The following RAPGEF4 variants were observed in gnomAD, a reference collection of about 807,000 sequenced individuals.
RAPGEF4 encodes the protein Rap guanine nucleotide exchange factor 4, also known as RAP guanine-nucleotide-exchange factor (GEF) 4.
Under a neutral mutation model 147.9 loss-of-function variants are expected in RAPGEF4, and 66 were observed. The observed-to-expected ratio is 0.45, with a 90% CI of 0.37 to 0.55. The LOEUF (loss-of-function observed/expected upper bound fraction) is 0.55. Ranked by LOEUF, RAPGEF4 falls within the 20% of genes least tolerant of loss-of-function variation. The pLI, the probability that RAPGEF4 is intolerant of heterozygous loss-of-function variation, is 0.00. For missense variants in RAPGEF4, 1,071 were observed against 1,257.3 expected, an observed-to-expected ratio of 0.85 and a Z score of 2.24; for synonymous variants, 419 against 442.7, an observed-to-expected ratio of 0.95 and a Z score of 0.67.
intron 4 of RAPGEF4, among the ~76,000 whole-genome samples, chr2:172,833,806 AT>A (rs953227600): frequency 3.3e-5 from 5 of 152,164 alleles, no homozygotes; most frequent in East Asian, 1.9e-4. Context: ...TCATTCATTA[AT>A]TTTTTTCCCT....
rs541408486 is a variant in RAPGEF4, at chr2:172,962,345, C to T, written c.698+1117C>T. The stretch of plus-strand genomic sequence containing the variant: ...ACAGGAACCAAATTCATAAGACACA[C>T]TGAAAAACTAGAATACAAATTTCAA... On this transcript the variant is annotated intron_variant, in intron 8 of 30. Transcript: ENST00000397081. Among the ~76,000 whole-genome samples, 8 of 152,210 alleles carry T rather than the reference C, an allele frequency of 5.3e-5. No homozygotes were observed. The South Asian group carries it at 1.7e-3, about 32-fold the overall frequency.
intron 4 of RAPGEF4, among the ~76,000 whole-genome samples, chr2:172,840,110 C>T (rs17756942): frequency 2.0e-5 from 3 of 152,124 alleles, no homozygotes; most frequent in Non-Finnish European, 2.9e-5. Flanking sequence ...GAGCATGTGA[C>T]GAATTATGGT....
chr2:173,047,955 C>A (rs184468202), intron 29 of RAPGEF4, among the ~76,000 whole-genome samples: 341 of 152,304 alleles, frequency 2.2e-3, no homozygotes, highest in Non-Finnish European at 3.7e-3. Context: ...GGATTACAGG[C>A]GTGAGCCACT....
chr2:172,983,520 C>T lies in RAPGEF4; in HGVS notation c.1029C>T (p.Asp343=), dbSNP rs747813873. The change falls in exon 11 of 31, where the codon GAC becomes GAT. Residue 343 remains aspartate (D), a synonymous_variant. Coordinates refer to ENST00000397081, the MANE Select transcript of RAPGEF4 (RefSeq NM_007023.4). The part of the protein sequence containing the change: ...RKPPGQRTVD[D]LEIIYEELLH... ...GACCTGGCCAGAGGACTGTGGATGA[C>T]CTAGAGATTATCTATGAGGAGCTTC... 8 of 1,612,524 alleles carry T rather than the reference C, an allele frequency of 5.0e-6. No individual in the cohort carries two copies. Among genetic ancestry groups the T allele is most frequent in the Non-Finnish European group, 6.8e-6 (8 of 1,179,808 alleles).
At chr2:172,831,517 C>T (rs1367601427) in intron 4 of RAPGEF4, among the ~76,000 whole-genome samples, 1 of 151,820 alleles carries the variant, frequency 6.6e-6, no homozygotes, top group African/African-American at 2.4e-5. Flanking sequence ...GATCCACCCA[C>T]CTCAGCTGCC....
chr2:172,826,542 T>C (rs1212472500), intron 4 of RAPGEF4, among the ~76,000 whole-genome samples: 1 of 152,200 alleles, frequency 6.6e-6, no homozygotes, highest in Non-Finnish European at 1.5e-5. Flanking sequence ...CAATTCCTAT[T>C]AAAAGCACAT....
At chr2:172,986,728 C>G (rs1470408985) in intron 12 of RAPGEF4, among the ~76,000 whole-genome samples, 1 of 147,752 alleles carries the variant, frequency 6.8e-6, no homozygotes, top group Non-Finnish European at 1.5e-5. Context: ...GAGTCTTGCT[C>G]TATCACCCAG....
At chr2:172,791,280 T>C (rs1685798446) in intron 1 of RAPGEF4, among the ~76,000 whole-genome samples, 2 of 152,070 alleles carry the variant, frequency 1.3e-5, no homozygotes, top group Admixed American at 1.3e-4. Context: ...ACTCCATGCA[T>C]GGAAATAAGG....
intron 1 of RAPGEF4, among the ~76,000 whole-genome samples, chr2:172,751,736 A>G (rs1168169332): frequency 6.6e-6 from 1 of 152,192 alleles, no homozygotes; most frequent in African/African-American, 2.4e-5. Context: ...TGGATGAGGT[A>G]TTTTACAGAA....
chr2:172,957,428 A>G (rs1313197512), intron 6 of RAPGEF4, among the ~76,000 whole-genome samples: 1 of 152,266 alleles, frequency 6.6e-6, no homozygotes, highest in Non-Finnish European at 1.5e-5. Context: ...CTTGTAATGC[A>G]GGGGTCTCTG....
chr2:172,742,674 T>C (rs1221350664), intron 1 of RAPGEF4, among the ~76,000 whole-genome samples: 1 of 152,226 alleles, frequency 6.6e-6, no homozygotes, highest in Non-Finnish European at 1.5e-5. Context: ...ATGACATATA[T>C]ATTTGGAGTA....
At chr2:172,822,996 T>C (rs1425928844) in intron 4 of RAPGEF4, among the ~76,000 whole-genome samples, 1 of 152,186 alleles carries the variant, frequency 6.6e-6, no homozygotes, top group African/African-American at 2.4e-5. Flanking sequence ...TTTCTGTGGT[T>C]TACAATCTAG....
intron 8 of RAPGEF4, 38 bp from the exon 9 acceptor site, chr2:172,965,524 G>A (rs762388433): frequency 1.2e-6 from 2 of 1,603,036 alleles, no homozygotes; most frequent in East Asian, 4.5e-5. Flanking sequence ...TCTGAAAAGG[G>A]GTGACTTCCC....
intron 29 of RAPGEF4, among the ~76,000 whole-genome samples, chr2:173,043,970 G>T (rs1457603917): frequency 6.6e-6 from 1 of 152,174 alleles, no homozygotes; most frequent in Non-Finnish European, 1.5e-5. Flanking sequence ...AGAGTTCTTG[G>T]CTTTCCTAAG....
chr2:172,991,579 G>A (rs1173019693), intron 15 of RAPGEF4, among the ~76,000 whole-genome samples: 1 of 152,140 alleles, frequency 6.6e-6, no homozygotes, highest in Non-Finnish European at 1.5e-5. Flanking sequence ...CATTTGAGTG[G>A]TAAGACAGAA....
chr2:172,955,502 T>TC (rs957192713), intron 6 of RAPGEF4, among the ~76,000 whole-genome samples: 2 of 152,102 alleles, frequency 1.3e-5, no homozygotes, highest in African/African-American at 2.4e-5. Context: ...CCTTTATCTG[T>TC]CCCCCCTGCC....
intron 29 of RAPGEF4, among the ~76,000 whole-genome samples, chr2:173,044,366 G>GTC (rs1685168735): frequency 6.6e-6 from 1 of 152,186 alleles, no homozygotes; most frequent in Middle Eastern, 3.2e-3. Flanking sequence ...TCAGCAGGGT[G>GTC]GTGACCAAGG....
intron 1 of RAPGEF4, among the ~76,000 whole-genome samples, chr2:172,769,580 G>T (rs1430713381): frequency 6.6e-6 from 1 of 152,068 alleles, no homozygotes; most frequent in Non-Finnish European, 1.5e-5. Context: ...TTCAGGGAAA[G>T]CCCTTCCCTG....
intron 6 of RAPGEF4, among the ~76,000 whole-genome samples, chr2:172,941,136 T>C (rs1488607548): frequency 6.6e-6 from 1 of 152,178 alleles, no homozygotes; most frequent in Non-Finnish European, 1.5e-5. Flanking sequence ...TAGACAATCA[T>C]GTCATCTGCA....
Sources: allele counts gnomAD v4.1 joint callset (sites outside exome capture counted in the v4.1 genomes callset), GRCh38; gene constraint gnomAD v4.1.1; transcripts MANE v1.5; gene names NCBI Gene and HGNC (gene_info 2026-07-23, HGNC 2026-07-21).